Variants in PIP4K2B observed in about 807,000 individuals in gnomAD.
PIP4K2B encodes the protein phosphatidylinositol 5-phosphate 4-kinase type-2 beta.
PIP4K2B carries 3 observed loss-of-function variants against 42.0 expected under a neutral mutation model. The observed-to-expected ratio is 0.07, with a 90% CI of 0.03 to 0.18. The LOEUF (loss-of-function observed/expected upper bound fraction) is 0.18. Ranked by LOEUF, PIP4K2B falls within the 10% of genes least tolerant of loss-of-function variation. The pLI is 1.00. For missense variants in PIP4K2B, 332 were observed against 562.3 expected (o/e 0.59, Z 4.14); for synonymous variants, 204 against 210.1 (o/e 0.97, Z 0.25).
At position 38,799,143 on chromosome 17, in the gene PIP4K2B, G is replaced by A; in HGVS notation, c.159+123C>T. 3 of 1,030,018 alleles carry A rather than the reference G, an allele frequency of 2.9e-6. No individual in the cohort carries two copies. The highest frequency in any genetic ancestry group is 4.0e-6 in the Non-Finnish European group (3 of 748,142). 63.8% of individuals were successfully genotyped at this position (1,030,018 alleles called of 1,614,324 possible). On this transcript the variant is annotated intron_variant, in intron 1 of 9. Transcript: ENST00000619039. The surrounding 1 kb of genome is among the most constrained non-coding windows in gnomAD (Gnocchi z 4.4). ...AGGCGTGCAAGGGTGGGGTGGGCGT[G>A]CAAGTGGCTTGGCGAGGGGTGGCAG...
intron 7 of PIP4K2B, among the ~76,000 whole-genome samples, chr17:38,775,281 C>G (rs900732951): frequency 6.6e-6 from 1 of 152,058 alleles, no homozygotes; most frequent in Non-Finnish European, 1.5e-5. Context: ...GAGATGGGGT[C>G]TTACCCTCTA....
chr17:38,787,760 A>T (rs1457334666), intron 1 of PIP4K2B, among the ~76,000 whole-genome samples: 2 of 151,162 alleles, frequency 1.3e-5, no homozygotes, highest in Non-Finnish European at 3.0e-5. Flanking sequence ...TGTCCAGCTA[A>T]TTTTTTTTTG....
chr17:38,784,376 C>T, intron 2 of PIP4K2B, 37 bp from the exon 3 acceptor site: 1 of 1,078,308 alleles, frequency 9.3e-7, no homozygotes. Flanking sequence ...GTGAACTGCC[C>T]CTTGCTCATC....
intron 1 of PIP4K2B, among the ~76,000 whole-genome samples, chr17:38,793,172 G>C (rs228239): frequency 1.3e-5 from 2 of 151,292 alleles, no homozygotes; most frequent in East Asian, 2.0e-4. Context: ...CAAGTGATCC[G>C]CCTGCCTCGG....
chr17:38,783,179 G>A (rs1388998712), intron 3 of PIP4K2B, among the ~76,000 whole-genome samples: 1 of 125,416 alleles, frequency 8.0e-6, no homozygotes, highest in African/African-American at 3.1e-5. Context: ...TGGATGACAG[G>A]AGTGAAACTC....
chr17:38,779,320 A>G, intron 5 of PIP4K2B, 63 bp downstream of exon 5: 1 of 1,495,380 alleles, frequency 6.7e-7, no homozygotes, highest in Non-Finnish European at 9.3e-7. Context: ...AAGTTGGAGT[A>G]GTGGCCCCTT....
intron 2 of PIP4K2B, 54 bp downstream of exon 2, chr17:38,786,769 A>C (rs1413600326): frequency 1.8e-6 from 2 of 1,142,630 alleles, no homozygotes; most frequent in Non-Finnish European, 2.7e-6. Flanking sequence ...GAAGCCTCTG[A>C]CTTGAGGGAA....
rs1180036564 is a variant in PIP4K2B at position 38,766,455 on chromosome 17, T to G, written c.*3236A>C. The G allele has an allele frequency of 1.3e-5, 2 of 152,634 alleles. No homozygotes were observed. The highest frequency in any genetic ancestry group is 2.9e-5 in the Non-Finnish European group (2 of 68,084). The allele number at this position is 152,634 out of a possible 1,614,324, so 9.5% of individuals were successfully genotyped here. On this transcript the variant is annotated 3_prime_UTR_variant, in exon 10 of 10. Transcript: ENST00000619039. ...GGCTACTGCAAAAAGTCCTGGGTCT[T>G]TGGTCCACCTCCCCAAGGTATGCCC...
At chr17:38,770,302 T>C in intron 9 of PIP4K2B, 134 bp downstream of exon 9, 1 of 662,920 alleles carries the variant, frequency 1.5e-6, no homozygotes, top group Non-Finnish European at 2.7e-6. Context: ...TCTTCCAGTC[T>C]GCTCTCCTGG....
intron 7 of PIP4K2B, among the ~76,000 whole-genome samples, chr17:38,775,781 C>G (rs2143349398): frequency 6.6e-6 from 1 of 151,956 alleles, no homozygotes; most frequent in East Asian, 2.0e-4. Context: ...TCGCTTGAAC[C>G]CGGGAGGCGG....
At chr17:38,794,507 A>G (rs375789364) in intron 1 of PIP4K2B, among the ~76,000 whole-genome samples, 68 of 150,284 alleles carry the variant, frequency 4.5e-4, no homozygotes, top group South Asian at 2.1e-3. Flanking sequence ...AAAAAAAAAA[A>G]AAGAAGAAGA....
intron 7 of PIP4K2B, among the ~76,000 whole-genome samples, chr17:38,775,458 C>G (rs1420862716): frequency 6.6e-6 from 1 of 152,058 alleles, no homozygotes; most frequent in Non-Finnish European, 1.5e-5. Flanking sequence ...AGTAAATTGC[C>G]CAGGTCTCCA....
chr17:38,774,391 C>G (rs1443675623), intron 7 of PIP4K2B, among the ~76,000 whole-genome samples: 7 of 152,158 alleles, frequency 4.6e-5, no homozygotes, highest in Non-Finnish European at 8.8e-5. Flanking sequence ...AGAATAAAAC[C>G]ACACCACCAG....
Position 38,780,455 on chromosome 17 carries a change from G to A in PIP4K2B, c.504C>T (p.His168=). ...AEMHNILKKY[H]QFIVECHGNT... The stretch of plus-strand genomic sequence containing the variant: ...CCAGGCTTGGGACTCACCATACCTG[G>A]TGGTATTTCTTTAAGATGTTGTGCA... Residue 168 remains histidine, a synonymous_variant, in exon 4 of 10, where the codon CAC becomes CAT. Coordinates refer to ENST00000619039, the MANE Select transcript of PIP4K2B (RefSeq NM_003559.5). 1 of 1,610,078 alleles carries A rather than the reference G, an allele frequency of 6.2e-7. No homozygotes were observed.
At chr17:38,785,398 AAGGTGG>A (rs1909950839) in intron 2 of PIP4K2B, among the ~76,000 whole-genome samples, 1 of 152,200 alleles carries the variant, frequency 6.6e-6, no homozygotes, top group African/African-American at 2.4e-5. Flanking sequence ...AGGGCTGGGC[AAGGTGG>A]CTCCTGCCTG....
intron 3 of PIP4K2B, 36 bp from the exon 4 acceptor site, chr17:38,780,640 G>A (rs1909650911): frequency 6.3e-6 from 10 of 1,595,664 alleles, no homozygotes; most frequent in Non-Finnish European, 7.7e-6. Context: ...GGGCTTGGCA[G>A]GGGAACAGAA....
At chr17:38,778,995 T>A (rs1430273566) in intron 5 of PIP4K2B, among the ~76,000 whole-genome samples, 1 of 152,044 alleles carries the variant, frequency 6.6e-6, no homozygotes, top group Non-Finnish European at 1.5e-5. Flanking sequence ...AGAAGCCAGG[T>A]TCAAGAACAC....
intron 1 of PIP4K2B, among the ~76,000 whole-genome samples, chr17:38,795,767 G>T (rs1443393568): frequency 6.7e-6 from 1 of 148,236 alleles, no homozygotes; most frequent in Non-Finnish European, 1.5e-5. Context: ...AAAAAAAAAA[G>T]AAAAGAATAT....
At chr17:38,781,875 C>T (rs1309277321) in intron 3 of PIP4K2B, among the ~76,000 whole-genome samples, 2 of 147,310 alleles carry the variant, frequency 1.4e-5, no homozygotes, top group African/African-American at 5.0e-5. Context: ...TATAGTGGTG[C>T]GATCATAGCT....
Sources: allele counts gnomAD v4.1 joint callset (sites outside exome capture counted in the v4.1 genomes callset), GRCh38; gene constraint gnomAD v4.1.1; non-coding constraint Gnocchi (gnomAD v3.1); transcripts MANE v1.5; gene names NCBI Gene and HGNC (gene_info 2026-07-23, HGNC 2026-07-21).